The following MBNL2 variants were observed in gnomAD, a reference collection of about 807,000 sequenced individuals.
MBNL2 encodes muscleblind-like protein 2.
MBNL2 carries 17 observed loss-of-function variants against 41.9 expected under a neutral mutation model. That is an observed-to-expected ratio of 0.41 (90% CI 0.28 to 0.61). The LOEUF (loss-of-function observed/expected upper bound fraction) is 0.61. Among genes scored for constraint, MBNL2 ranks in the 20% least tolerant of loss-of-function variants. MBNL2 has a pLI of 0.35. For synonymous variants in MBNL2, 195 were observed against 182.9 expected (o/e 1.07, Z -0.53); for missense variants, 336 against 505.6 (o/e 0.66, Z 3.22).
chr13:97,145,061 T>C, the MBNL2 span, among the ~76,000 whole-genome samples: 1 of 152,222 alleles, frequency 6.6e-6, no homozygotes, highest in Non-Finnish European at 1.5e-5. Flanking sequence ...GATGCATATT[T>C]CATATCTAGG....
chr13:97,186,223 T>C, the MBNL2 span, among the ~76,000 whole-genome samples: 1 of 152,320 alleles, frequency 6.6e-6, no homozygotes, highest in East Asian at 1.9e-4. Flanking sequence ...CCCATACTTA[T>C]TAGGCATGCT....
At chr13:97,310,630 C>T (rs1421492364) in intron 2 of MBNL2, among the ~76,000 whole-genome samples, 2 of 151,902 alleles carry the variant, frequency 1.3e-5, no homozygotes, top group South Asian at 2.1e-4. Context: ...AGGGTTTCAG[C>T]GTGTTAGCCA....
chr13:97,323,661 A>G (rs947624063), intron 2 of MBNL2, among the ~76,000 whole-genome samples: 5 of 152,206 alleles, frequency 3.3e-5, no homozygotes, highest in African/African-American at 1.2e-4. Context: ...TCCCCATGGA[A>G]ACTGTGGGAT....
chr13:97,193,400 G>C, the MBNL2 span, among the ~76,000 whole-genome samples: 20 of 152,344 alleles, frequency 1.3e-4, no homozygotes, highest in South Asian at 3.7e-3. Context: ...ATGTTTGGTA[G>C]ACACTGGGCT....
At chr13:97,315,560 G>C (rs1444978929) in intron 2 of MBNL2, among the ~76,000 whole-genome samples, 1 of 152,186 alleles carries the variant, frequency 6.6e-6, no homozygotes, top group Non-Finnish European at 1.5e-5. Context: ...GCAGAGAAGG[G>C]GAAAGATGCT....
the MBNL2 span, among the ~76,000 whole-genome samples, chr13:97,174,582 A>G: frequency 9.2e-4 from 140 of 152,344 alleles, 1 homozygote; most frequent in Non-Finnish European, 2.6e-4. Context: ...AAGCAAATCA[A>G]TATGTGCTGC....
At chr13:97,170,182 G>A in the MBNL2 span, among the ~76,000 whole-genome samples, 1 of 152,172 alleles carries the variant, frequency 6.6e-6, no homozygotes, top group South Asian at 2.1e-4. Context: ...TCTACATGCT[G>A]AAAGACAAGA....
the MBNL2 span, among the ~76,000 whole-genome samples, chr13:97,161,408 A>G: frequency 2.0e-5 from 3 of 152,166 alleles, no homozygotes; most frequent in Non-Finnish European, 2.9e-5. Flanking sequence ...TTTCCATGCC[A>G]GGGTTGGACT....
intron 2 of MBNL2, among the ~76,000 whole-genome samples, chr13:97,294,767 C>T (rs886235574): frequency 2.6e-5 from 4 of 152,118 alleles, no homozygotes; most frequent in African/African-American, 9.7e-5. Context: ...TTAAAGTTTC[C>T]ATTTGTCATA....
At chr13:97,240,559 G>C (rs1479093817) in intron 1 of MBNL2, among the ~76,000 whole-genome samples, 1 of 152,102 alleles carries the variant, frequency 6.6e-6, no homozygotes. Flanking sequence ...GAAAGAGCAG[G>C]GGCTTTGACA....
At chr13:97,209,672 G>GA in the MBNL2 span, among the ~76,000 whole-genome samples, 3 of 152,130 alleles carry the variant, frequency 2.0e-5, no homozygotes, top group Non-Finnish European at 4.4e-5. Flanking sequence ...TATACACTAT[G>GA]AAAAATGTGT....
At chr13:97,300,476 A>G (rs78573603) in intron 2 of MBNL2, among the ~76,000 whole-genome samples, 13,675 of 151,824 alleles carry the variant, frequency 0.09, 1,061 homozygotes, top group African/African-American at 0.21. Flanking sequence ...TGTAACCTAG[A>G]CTCCCCACAT....
the MBNL2 span, among the ~76,000 whole-genome samples, chr13:97,198,344 G>T: frequency 6.6e-6 from 1 of 151,780 alleles, no homozygotes; most frequent in Non-Finnish European, 1.5e-5. Flanking sequence ...TCTCAAGCCT[G>T]TTGGCCTTCG....
chr13:97,365,236 T>A, intron 8 of MBNL2, 65 bp downstream of exon 8: 2 of 1,011,616 alleles, frequency 2.0e-6, no homozygotes, highest in Non-Finnish European at 3.2e-6. Context: ...GCTTGAAATT[T>A]ATTTCAGAGA....
the MBNL2 span, among the ~76,000 whole-genome samples, chr13:97,152,366 G>C: frequency 4.6e-5 from 7 of 151,750 alleles, no homozygotes; most frequent in Non-Finnish European, 8.8e-5. Flanking sequence ...AGAAAACAGA[G>C]AGGAAAAAAA....
upstream of MBNL2, among the ~76,000 whole-genome samples, chr13:97,221,850 A>G (rs1241476815): frequency 6.6e-6 from 1 of 152,242 alleles, no homozygotes; most frequent in East Asian, 1.9e-4. Context: ...TTCTTCCTCA[A>G]TAATGGAAAT....
the MBNL2 span, among the ~76,000 whole-genome samples, chr13:97,178,855 C>G: frequency 6.6e-6 from 1 of 152,268 alleles, no homozygotes; most frequent in East Asian, 1.9e-4. Flanking sequence ...CATGATTACA[C>G]CACTGCACTC....
At chr13:97,149,265 T>TTAA in the MBNL2 span, among the ~76,000 whole-genome samples, 1 of 152,204 alleles carries the variant, frequency 6.6e-6, no homozygotes, top group Non-Finnish European at 1.5e-5. Flanking sequence ...AGATGGAAGT[T>TTAA]TAATACCTTG....
the MBNL2 span, among the ~76,000 whole-genome samples, chr13:97,158,843 G>T: frequency 6.6e-6 from 1 of 151,968 alleles, no homozygotes; most frequent in Non-Finnish European, 1.5e-5. Context: ...GAATAGGTGT[G>T]GTGTGGTGCT....
Sources: allele counts gnomAD v4.1 joint callset (sites outside exome capture counted in the v4.1 genomes callset), GRCh38; gene constraint gnomAD v4.1.1; transcripts MANE v1.5; gene names NCBI Gene and HGNC (gene_info 2026-07-23, HGNC 2026-07-21).